CLEC4F: variants seen among roughly 807,000 people sequenced by gnomAD.
CLEC4F encodes the protein C-type (calcium dependent, carbohydrate-recognition domain) lectin, superfamily member 13.
Under a neutral mutation model 53.4 loss-of-function variants are expected in CLEC4F, and 45 were observed. The observed-to-expected ratio is 0.84, with a 90% CI of 0.66 to 1.08. CLEC4F has a LOEUF of 1.08. Ranked by LOEUF, CLEC4F falls within the 50% of genes least tolerant of loss-of-function variation. CLEC4F has a pLI of 0.00. For synonymous variants in CLEC4F, 245 were observed against 257.5 expected (o/e 0.95, Z 0.46); for missense variants, 753 against 698.2 (o/e 1.08, Z -0.88).
intron 1 of CLEC4F, among the ~76,000 whole-genome samples, chr2:70,820,110 G>C (rs1677155130): frequency 6.6e-6 from 1 of 152,234 alleles, no homozygotes; most frequent in South Asian, 2.1e-4. Context: ...GCAACACAGA[G>C]CTGAGGAGCT....
chr2:70,822,293 A>C (rs1677245868), upstream of CLEC4F, among the ~76,000 whole-genome samples: 1 of 152,202 alleles, frequency 6.6e-6, no homozygotes, highest in Admixed American at 6.5e-5. Context: ...GTCAGAAAAT[A>C]CCAAGCAGGC....
chr2:70,822,763 A>G (rs1204884894), upstream of CLEC4F, among the ~76,000 whole-genome samples: 2 of 152,202 alleles, frequency 1.3e-5, no homozygotes, highest in Non-Finnish European at 2.9e-5. Flanking sequence ...CAACTCTTAA[A>G]CAAACTCACA....
chr2:70,822,875 G>A (rs1461456425), upstream of CLEC4F, among the ~76,000 whole-genome samples: 3 of 152,184 alleles, frequency 2.0e-5, no homozygotes, highest in African/African-American at 7.2e-5. Flanking sequence ...AGATCCTGGG[G>A]TCAGCCTCTT....
chr2:70,823,121 T>TTG (rs10538705), upstream of CLEC4F, among the ~76,000 whole-genome samples: 7,049 of 150,472 alleles, frequency 0.047, 364 homozygotes, highest in East Asian at 0.23. Flanking sequence ...GTGTGTGTGT[T>TTG]TGTGTGTGTG....
chr2:70,816,014 T>C lies in CLEC4F; in HGVS notation c.1367A>G (p.Glu456Gly). ...KTLHVVITSQEQLQRTQSQLL... is the reference protein window; with the variant it reads ...KTLHVVITSQGQLQRTQSQLL... Reference sequence around the variant, plus strand: ...CTTACTTTGGGTTCTTTGTAGCTGTTCCTGTGAAGTAATGACCACATGGAG... The same window carrying C: ...CTTACTTTGGGTTCTTTGTAGCTGTCCCTGTGAAGTAATGACCACATGGAG... Residue 456 changes from glutamate (E) to glycine (G), a missense_variant, in exon 4 of 7, where the codon GAA (glutamate) becomes GGA (glycine). By Grantham distance (98) the Glu-to-Gly change is moderately conservative. Transcript: ENST00000272367. 6.2e-7 allele frequency: 1 copy of C among 1,613,570 alleles called. No homozygotes were observed. The highest frequency in any genetic ancestry group is 8.5e-7 in the Non-Finnish European group (1 of 1,179,758).
intron 3 of CLEC4F, among the ~76,000 whole-genome samples, chr2:70,817,913 C>T (rs972605256): frequency 8.5e-5 from 13 of 152,296 alleles, no homozygotes; most frequent in Non-Finnish European, 1.3e-4. Flanking sequence ...AAGGAGACCC[C>T]ACAGCCCCTT....
In CLEC4F at chr2:70,816,634, G is replaced by T; in HGVS notation, c.747C>A (p.Asn249Lys). 6.2e-7 allele frequency: 1 copy of T among 1,614,104 alleles called. No individual in the cohort carries two copies. The highest frequency in any genetic ancestry group is 1.1e-5 in the South Asian group (1 of 91,076). The change falls in exon 4 of 7, where the codon AAC (asparagine) becomes AAA (lysine). Residue 249 changes from asparagine (N) to lysine (K), a missense_variant. Transcript: ENST00000272367. ...QAQLANSSLKNANAEIYVLRG... is the reference protein window; with the variant it reads ...QAQLANSSLKKANAEIYVLRG... ...TCAAAACATAGATCTCAGCATTAGC[G>T]TTCTTTAAACTGCTATTGGCTAACT...
At position 70,808,916 on chromosome 2, in the gene CLEC4F, C is replaced by T; in HGVS notation, c.*355G>A. 1.5e-6 allele frequency: 1 copy of T among 668,220 alleles called. No individual in the cohort carries two copies. The highest frequency in any genetic ancestry group is 2.6e-6 in the Non-Finnish European group (1 of 388,574). The allele number at this position is 668,220 out of a possible 1,614,324, so 41.4% of individuals were successfully genotyped here. A position where few individuals can be genotyped will look rare whatever the true frequency, so the allele number is the denominator to read the frequency against. On this transcript the variant is annotated 3_prime_UTR_variant, in exon 7 of 7. Transcript: ENST00000272367. Reference sequence around the variant, plus strand: ...TTGGCAAGCAGGAGCAGCCCCTCAGCTCTGGCCTGCCCTCAGGCCACACCC... The same window carrying T: ...TTGGCAAGCAGGAGCAGCCCCTCAGTTCTGGCCTGCCCTCAGGCCACACCC...
At chr2:70,809,454 T>C (rs1574362084) in intron 6 of CLEC4F, 72 bp from the exon 7 acceptor site, 5 of 1,482,410 alleles carry the variant, frequency 3.4e-6, no homozygotes, top group African/African-American at 2.8e-5. Flanking sequence ...GACCTGTCCT[T>C]TCCTAATGAC....
In CLEC4F at chr2:70,816,505, C is replaced by A. The variant is rs892380040; in HGVS notation, c.876G>T (p.Leu292Phe). ...NAEIQGLKEN[L>F]QNTNALNSQT... ...GGGAGTTTAAAGCATTTGTGTTCTG[C>A]AAATTTTCCTTTAGTCCCTGGATCT... Residue 292 changes from leucine to phenylalanine, a missense_variant, in exon 4 of 7, where the codon TTG (leucine) becomes TTT (phenylalanine). Coordinates refer to ENST00000272367, the MANE Select transcript of CLEC4F (RefSeq NM_173535.3). The A allele has an allele frequency of 2.5e-6, 4 of 1,614,152 alleles. No homozygotes were observed. The highest frequency in any genetic ancestry group is 1.6e-4 in the Middle Eastern group (1 of 6,062).
chr2:70,820,589 C>T lies in CLEC4F; in HGVS notation c.-66G>A. 6.7e-7 allele frequency: 1 copy of T among 1,485,890 alleles called. No homozygotes were observed. Among genetic ancestry groups the T allele is most frequent in the South Asian group, 1.2e-5 (1 of 80,154 alleles). The allele number at this position is 1,485,890 out of a possible 1,614,324, so 92.0% of individuals were successfully genotyped here. ...GCTCCTGGAAGGGCCGTCCCGTGGA[C>T]CAATGGCAGTGGAAGCAAAGCTGAG... On this transcript the variant is annotated 5_prime_UTR_variant, in exon 1 of 7. Transcript: ENST00000272367.
rs1676536192 is a variant in CLEC4F, at chr2:70,811,139, G to A, written c.1540-1282C>T. On this transcript the variant is annotated intron_variant, in intron 5 of 6. Coordinates refer to ENST00000272367, the MANE Select transcript of CLEC4F (RefSeq NM_173535.3). ...GCACGACACTCTTTTGGAGTTTTAT[G>A]AGCTATGCAAAGAAAAATCCATTGT... is the stretch of plus-strand genomic sequence containing the variant. 3 of 686,442 alleles carry A rather than the reference G, an allele frequency of 4.4e-6. No homozygotes were observed. In the East Asian group the frequency reaches 1.1e-4, roughly 26 times the overall value. 42.5% of individuals were successfully genotyped at this position (686,442 alleles called of 1,614,324 possible).
chr2:70,810,616 C>T lies in CLEC4F; in HGVS notation c.1540-759G>A, dbSNP rs1334611208. Among the ~76,000 whole-genome samples the T allele has an allele frequency of 6.8e-4, 31 of 45,328 alleles. 1 individual carries two copies. Among genetic ancestry groups the T allele is most frequent in the Middle Eastern group, 0.022 (1 of 46 alleles). 29.7% of individuals were successfully genotyped at this position (45,328 alleles called of 152,430 possible). A position where few individuals can be genotyped will look rare whatever the true frequency, so the allele number is the denominator to read the frequency against. On this transcript the variant is annotated intron_variant, in intron 5 of 6. Transcript: ENST00000272367. ...CCTGGGCAATAGAGCGAAACTCTGTCGCAAAAAAAAAAAAAAAAAAAAAAA... is the reference window on the plus strand; with the variant it reads ...CCTGGGCAATAGAGCGAAACTCTGTTGCAAAAAAAAAAAAAAAAAAAAAAA...
At chr2:70,824,467 C>G (rs1677297877), upstream of CLEC4F, among the ~76,000 whole-genome samples, 1 of 151,828 alleles carries the variant, frequency 6.6e-6, no homozygotes, top group African/African-American at 2.4e-5. Flanking sequence ...GCAACAGCCA[C>G]ACAGCCCCCA....
chr2:70,813,756 C>G (rs1553395074), intron 4 of CLEC4F, among the ~76,000 whole-genome samples: 1 of 151,932 alleles, frequency 6.6e-6, no homozygotes, highest in Non-Finnish European at 1.5e-5. Context: ...TGGCTCACTG[C>G]AACCTCTACC....
chr2:70,814,172 C>T (rs1372059236), intron 4 of CLEC4F, among the ~76,000 whole-genome samples: 1 of 152,160 alleles, frequency 6.6e-6, no homozygotes, highest in Non-Finnish European at 1.5e-5. Context: ...ACAGGTTCAC[C>T]AGCACTAAAT....
chr2:70,818,156 T>C (rs1677032710), intron 3 of CLEC4F, among the ~76,000 whole-genome samples: 1 of 152,216 alleles, frequency 6.6e-6, no homozygotes, highest in African/African-American at 2.4e-5. Context: ...CCTCAGTTAC[T>C]GTGCTAAGGT....
At chr2:70,820,616 C>T, upstream of CLEC4F, 2 of 1,261,176 alleles carry the variant, frequency 1.6e-6, no homozygotes, top group Non-Finnish European at 2.2e-6. Flanking sequence ...AAAGCTGAGA[C>T]ACCCACACTT....
chr2:70,811,569 CA>C (rs782058126), intron 5 of CLEC4F: 17 of 333,900 alleles, frequency 5.1e-5, no homozygotes, highest in Non-Finnish European at 8.8e-5. Context: ...GGCGAGCCAA[CA>C]GGGGGGTAGG....
Sources: gnomAD v4.1 joint callset for allele counts (sites outside exome capture counted in the v4.1 genomes callset) on GRCh38, gnomAD v4.1.1 for gene constraint, MANE v1.5 for transcripts, NCBI Gene and HGNC (gene_info 2026-07-23, HGNC 2026-07-21) for gene names.